The following DDAH1 variants were observed in gnomAD, a reference collection of about 807,000 sequenced individuals.
DDAH1 encodes the protein N(G),N(G)-dimethylarginine dimethylaminohydrolase 1.
A neutral mutation model predicts 28.8 loss-of-function variants in DDAH1; 19 were observed. The observed-to-expected ratio is 0.66, with a 90% CI of 0.46 to 0.97. The LOEUF (loss-of-function observed/expected upper bound fraction) is 0.97, where lower values mean the gene tolerates loss of function less well. Among genes scored for constraint, DDAH1 ranks in the 50% least tolerant of loss-of-function variants. The pLI is 0.00. For missense variants in DDAH1, 326 were observed against 375.9 expected (o/e 0.87, Z 1.10); for synonymous variants, 153 against 154.4 (o/e 0.99, Z 0.07).
At chr1:85,386,637 AT>A (rs1366218044) in intron 1 of DDAH1, among the ~76,000 whole-genome samples, 2 of 152,138 alleles carry the variant, frequency 1.3e-5, no homozygotes, top group Non-Finnish European at 2.9e-5. Context: ...TGGGTCTATA[AT>A]TCTGGGATCT....
intron 1 of DDAH1, among the ~76,000 whole-genome samples, chr1:85,374,664 AC>A (rs1305813196): frequency 5.3e-5 from 8 of 152,054 alleles, no homozygotes; most frequent in African/African-American, 1.9e-4. Flanking sequence ...AATCTATCAC[AC>A]AAACTTCAAC....
At chr1:85,432,070 A>C (rs1286063912) in intron 1 of DDAH1, among the ~76,000 whole-genome samples, 1 of 152,232 alleles carries the variant, frequency 6.6e-6, no homozygotes, top group East Asian at 1.9e-4. Flanking sequence ...ACACGTGGTA[A>C]CTTTGCAGAG....
intron 1 of DDAH1, among the ~76,000 whole-genome samples, chr1:85,560,180 A>C (rs930385270): frequency 6.6e-5 from 10 of 152,172 alleles, no homozygotes; most frequent in Non-Finnish European, 1.0e-4. Flanking sequence ...TAAAAGAGGC[A>C]GGGGAAGGGA....
intron 2 of DDAH1, among the ~76,000 whole-genome samples, chr1:85,481,184 G>C (rs1656004058): frequency 7.2e-6 from 1 of 139,178 alleles, no homozygotes; most frequent in East Asian, 2.1e-4. Context: ...TGCAGCCTCT[G>C]CCTCCCAGGT....
At chr1:85,462,895 C>A (rs1241319) in intron 1 of DDAH1, among the ~76,000 whole-genome samples, 149,675 of 152,384 alleles carry the variant, frequency 0.98, 73,576 homozygotes, top group East Asian at 1. Flanking sequence ...TTCTTATTAA[C>A]GGAGTAAATC....
intron 1 of DDAH1, among the ~76,000 whole-genome samples, chr1:85,451,945 T>C (rs1215190676): frequency 2.6e-5 from 4 of 152,216 alleles, no homozygotes; most frequent in African/African-American, 9.7e-5. Context: ...GGTTTACAAA[T>C]GAGTGTATCA....
chr1:85,405,108 CAGAGT>C (rs1255709156), intron 1 of DDAH1, among the ~76,000 whole-genome samples: 3 of 152,084 alleles, frequency 2.0e-5, no homozygotes, highest in Non-Finnish European at 2.9e-5. Context: ...CAGGGGCCAC[CAGAGT>C]AATCAGTTTT....
At chr1:85,394,100 T>C (rs921155372) in intron 1 of DDAH1, among the ~76,000 whole-genome samples, 2 of 152,220 alleles carry the variant, frequency 1.3e-5, no homozygotes, top group Non-Finnish European at 2.9e-5. Context: ...CTAAATGCTA[T>C]GGTTTGCTGT....
rs535286167 is a variant in DDAH1 at position 85,573,491 on chromosome 1, C to T, written c.-123+4493G>A. ...TGTGGTGGGAGAGGTGCCTTCCAGT[C>T]CTTTCCAATAAAATGTTTCTGTGTT... On this transcript the variant is annotated intron_variant, in intron 1 of 6. Coordinates refer to the DDAH1 transcript ENST00000426972. Among the ~76,000 whole-genome samples the T allele has an allele frequency of 2.0e-5, 3 of 152,240 alleles. No individual in the cohort carries two copies. In the East Asian group the frequency reaches 5.8e-4, roughly 29 times the overall value.
At chr1:85,490,032 T>C (rs568932414) in intron 2 of DDAH1, among the ~76,000 whole-genome samples, 1 of 152,168 alleles carries the variant, frequency 6.6e-6, no homozygotes, top group Admixed American at 6.5e-5. Context: ...GGTAGGCTTG[T>C]GGTGGATAAG....
rs190932178 is a variant in DDAH1, at chr1:85,464,069, G to T, written c.303+674C>A. 6.6e-6 allele frequency among the ~76,000 whole-genome samples: 1 copy of T among 152,152 alleles called. No individual in the cohort carries two copies. Among genetic ancestry groups the T allele is most frequent in the South Asian group, 2.1e-4 (1 of 4,824 alleles). ...GAAACAACCATCTCTAATTAAACACGCTCGCTAGCACACACACCCAACACC... is the reference window on the plus strand; with the variant it reads ...GAAACAACCATCTCTAATTAAACACTCTCGCTAGCACACACACCCAACACC... On this transcript the variant is annotated intron_variant, in intron 1 of 5. Transcript: ENST00000284031. The surrounding 1 kb of genome is among the most constrained non-coding windows in gnomAD (Gnocchi z 4.4).
upstream of DDAH1, among the ~76,000 whole-genome samples, chr1:85,465,644 T>C (rs1268361482): frequency 6.6e-6 from 1 of 152,206 alleles, no homozygotes; most frequent in Non-Finnish European, 1.5e-5. Context: ...TTTCTGGCCT[T>C]ACCTAAAGTA....
intron 1 of DDAH1, among the ~76,000 whole-genome samples, chr1:85,573,977 C>T (rs888310451): frequency 3.9e-5 from 6 of 152,230 alleles, no homozygotes; most frequent in African/African-American, 7.2e-5. Flanking sequence ...CACCCACAGA[C>T]ATTGTCTTCT....
At position 85,487,277 on chromosome 1, in the gene DDAH1, A is replaced by T. The variant is rs530442636; in HGVS notation, c.-7+8889T>A. Among the ~76,000 whole-genome samples the T allele has an allele frequency of 2.6e-5, 4 of 152,362 alleles. No homozygotes were observed. The South Asian group carries it at 8.3e-4, about 32-fold the overall frequency. ...CTTGTGGCTATCACCTTTCAATTGA[A>T]TACATGTCATGTGGGCACTTCCAGC... On this transcript the variant is annotated intron_variant, in intron 2 of 6. Transcript: ENST00000426972.
intron 4 of DDAH1, among the ~76,000 whole-genome samples, chr1:85,330,955 C>G (rs959534392): frequency 6.6e-6 from 1 of 152,210 alleles, no homozygotes; most frequent in Admixed American, 6.5e-5. Flanking sequence ...TCATAGGCAA[C>G]TCCTTAACGA....
chr1:85,475,070 G>T (rs900389804), intron 2 of DDAH1, among the ~76,000 whole-genome samples: 1 of 152,108 alleles, frequency 6.6e-6, no homozygotes, highest in African/African-American at 2.4e-5. Context: ...TATGTTCTTC[G>T]TCTCCCTTCT....
chr1:85,374,289 C>T (rs1430726375), intron 1 of DDAH1, among the ~76,000 whole-genome samples: 4 of 152,092 alleles, frequency 2.6e-5, no homozygotes, highest in Admixed American at 2.6e-4. Flanking sequence ...ACTTTTTCTC[C>T]TACATGACCC....
At chr1:85,343,305 ATTAT>A (rs1277460895) in intron 4 of DDAH1, among the ~76,000 whole-genome samples, 1 of 152,166 alleles carries the variant, frequency 6.6e-6, no homozygotes, top group Non-Finnish European at 1.5e-5. Context: ...ATAGCTTCAA[ATTAT>A]TTATTGGCTT....
intron 1 of DDAH1, among the ~76,000 whole-genome samples, chr1:85,361,794 TCTG>T (rs2100864717): frequency 6.6e-6 from 1 of 152,332 alleles, no homozygotes; most frequent in East Asian, 1.9e-4. Context: ...TGCTTCCAGT[TCTG>T]CTACTTATTA....
Sources: allele counts gnomAD v4.1 joint callset (sites outside exome capture counted in the v4.1 genomes callset), GRCh38; gene constraint gnomAD v4.1.1; non-coding constraint Gnocchi (gnomAD v3.1); transcripts MANE v1.5; gene names NCBI Gene and HGNC (gene_info 2026-07-23, HGNC 2026-07-21).